PVT1: variants seen among roughly 807,000 people sequenced by gnomAD.
PVT1 encodes the protein CXCR4/PVT1 fusion.
chr8:127,841,437 C>G (rs991270789), intron 2 of PVT1, among the ~76,000 whole-genome samples: 1 of 151,980 alleles, frequency 6.6e-6, no homozygotes, highest in African/African-American at 2.4e-5. Flanking sequence ...CCACGCTTGG[C>G]TAATTTTTGT....
At chr8:128,042,738 A>ATTTTATTTTATTTTC (rs1813560959) in intron 4 of PVT1, among the ~76,000 whole-genome samples, 3 of 135,422 alleles carry the variant, frequency 2.2e-5, no homozygotes, top group African/African-American at 8.4e-5. Context: ...TAGGTGGTTT[A>ATTTTATTTTATTTTC]TTTTATTTTA....
intron 2 of PVT1, among the ~76,000 whole-genome samples, chr8:127,875,311 CTCTCTGTCTCTG>C (rs200288341): frequency 2.6e-5 from 4 of 151,766 alleles, no homozygotes; most frequent in East Asian, 1.9e-4. Context: ...GGTGTGTGTC[CTCTCTGTCTCTG>C]TCTCTGTCTC....
chr8:127,862,583 G>A (rs368299552), intron 2 of PVT1, among the ~76,000 whole-genome samples: 1 of 152,036 alleles, frequency 6.6e-6, no homozygotes, highest in Admixed American at 6.6e-5. Flanking sequence ...ACTATGCCCA[G>A]CTAATTTTAA....
At chr8:128,057,929 A>T (rs1813780855) in intron 4 of PVT1, among the ~76,000 whole-genome samples, 1 of 152,184 alleles carries the variant, frequency 6.6e-6, no homozygotes, top group African/African-American at 2.4e-5. Flanking sequence ...CTTACCATGG[A>T]TACCAGAAGG....
chr8:127,947,127 T>C (rs1816430723), intron 3 of PVT1: 1 of 153,188 alleles, frequency 6.5e-6, no homozygotes, highest in Non-Finnish European at 1.5e-5. Flanking sequence ...TACTCAGTCT[T>C]TTCTTTCCTT....
chr8:127,942,096 CT>C (rs1325281760), intron 3 of PVT1, among the ~76,000 whole-genome samples: 1 of 152,212 alleles, frequency 6.6e-6, no homozygotes, highest in Non-Finnish European at 1.5e-5. Context: ...ATGTCCCCAG[CT>C]CTGTAACTCC....
chr8:127,833,498 G>A (rs1029958973), intron 2 of PVT1, among the ~76,000 whole-genome samples: 3 of 150,980 alleles, frequency 2.0e-5, no homozygotes, highest in Non-Finnish European at 4.4e-5. Context: ...TTGCTCTGTC[G>A]CCCAGGCTGG....
chr8:128,053,852 G>T (rs1813729557), intron 4 of PVT1, among the ~76,000 whole-genome samples: 2 of 152,264 alleles, frequency 1.3e-5, no homozygotes, highest in Middle Eastern at 3.2e-3. Context: ...GGCCAGGGCA[G>T]CCAGCCTGTA....
chr8:127,955,651 C>T (rs931080083), intron 3 of PVT1, among the ~76,000 whole-genome samples: 3 of 150,368 alleles, frequency 2.0e-5, no homozygotes, highest in East Asian at 4.1e-4. Flanking sequence ...GGTGCAATCT[C>T]GGCCCACTAC....
chr8:127,908,965 C>T (rs1387819447), intron 3 of PVT1, among the ~76,000 whole-genome samples: 1 of 152,220 alleles, frequency 6.6e-6, no homozygotes, highest in Admixed American at 6.5e-5. Context: ...CTGACTTACC[C>T]AGCAGAGTTG....
intron 4 of PVT1, among the ~76,000 whole-genome samples, chr8:127,992,326 A>G (rs549331470): frequency 5.9e-5 from 9 of 152,366 alleles, no homozygotes; most frequent in Admixed American, 1.3e-4. Context: ...GCAGAGTTGT[A>G]GTTAGCCAAG....
chr8:128,038,528 G>A (rs1186372713), intron 4 of PVT1, among the ~76,000 whole-genome samples: 1 of 152,310 alleles, frequency 6.6e-6, no homozygotes, highest in Non-Finnish European at 1.5e-5. Flanking sequence ...ATGGGCTTGA[G>A]GGTGCTGGCC....
intron 2 of PVT1, among the ~76,000 whole-genome samples, chr8:127,805,980 C>G (rs1814522439): frequency 6.6e-6 from 1 of 152,022 alleles, no homozygotes; most frequent in Non-Finnish European, 1.5e-5. Context: ...AAAGGCACAT[C>G]TAAGCAACAA....
intron 5 of PVT1, among the ~76,000 whole-genome samples, chr8:128,091,217 C>T (rs1200513350): frequency 1.3e-5 from 2 of 151,710 alleles, no homozygotes; most frequent in Admixed American, 6.5e-5. Flanking sequence ...GCCTGGCAGG[C>T]GTTCATGAGT....
chr8:127,868,794 CATATATAT>C (rs1815318687), intron 2 of PVT1, among the ~76,000 whole-genome samples: 12 of 8,956 alleles, frequency 1.3e-3, no homozygotes, highest in East Asian at 3.2e-3. Context: ...TATATATATA[CATATATAT>C]GTACATATAT....
chr8:127,841,639 A>G (rs1439292374), intron 2 of PVT1, among the ~76,000 whole-genome samples: 3 of 152,202 alleles, frequency 2.0e-5, no homozygotes, highest in East Asian at 3.9e-4. Flanking sequence ...CTGTGGTAGC[A>G]TCCAAGTCTT....
intron 3 of PVT1, among the ~76,000 whole-genome samples, chr8:127,971,675 A>G (rs868690492): frequency 5.9e-5 from 9 of 152,292 alleles, no homozygotes; most frequent in South Asian, 4.2e-4. Context: ...GACAAGGTAG[A>G]CTACCTCTCT....
chr8:127,936,750 C>G (rs1481907923), intron 3 of PVT1, among the ~76,000 whole-genome samples: 1 of 152,182 alleles, frequency 6.6e-6, no homozygotes, highest in South Asian at 2.1e-4. Context: ...TAGGAAGGAA[C>G]CTCACCCCTA....
intron 3 of PVT1, among the ~76,000 whole-genome samples, chr8:127,960,947 G>T (rs1264856770): frequency 7.5e-6 from 1 of 134,148 alleles, no homozygotes; most frequent in Non-Finnish European, 1.6e-5. Flanking sequence ...TGGGGGTGGG[G>T]GGGGCGGGCG....
Sources: allele counts gnomAD v4.1 joint callset (sites outside exome capture counted in the v4.1 genomes callset), GRCh38; gene constraint gnomAD v4.1.1; transcripts MANE v1.5; gene names NCBI Gene and HGNC (gene_info 2026-07-23, HGNC 2026-07-21).